The following ATF7 variants were observed in gnomAD, a reference collection of about 807,000 sequenced individuals.
ATF7 encodes the protein cyclic AMP-dependent transcription factor ATF-7.
In ATF7, 10 loss-of-function variants were observed where a neutral mutation model predicts 50.4. That is an observed-to-expected ratio of 0.20 (90% CI 0.12 to 0.34). The LOEUF is 0.34. ATF7 is among the 10% of genes least tolerant of loss of function. The pLI is 1.00. For synonymous variants in ATF7, 201 were observed against 226.4 expected (o/e 0.89, Z 1.01); for missense variants, 465 against 613.9 (o/e 0.76, Z 2.56).
At chr12:53,605,426 AG>A (rs1943565384) in intron 1 of ATF7, among the ~76,000 whole-genome samples, 1 of 151,850 alleles carries the variant, frequency 6.6e-6, no homozygotes, top group Non-Finnish European at 1.5e-5. Flanking sequence ...AGAAGGAAGA[AG>A]TTTGAAATTA....
intron 5 of ATF7, among the ~76,000 whole-genome samples, chr12:53,536,884 T>TCAA (rs748683856): frequency 1.4e-4 from 22 of 151,864 alleles, no homozygotes; most frequent in Admixed American, 6.6e-4. Context: ...TGAGACTGTC[T>TCAA]CAACAACAAC....
At chr12:53,603,216 T>C (rs1232695526) in intron 1 of ATF7, among the ~76,000 whole-genome samples, 1 of 152,096 alleles carries the variant, frequency 6.6e-6, no homozygotes, top group South Asian at 2.1e-4. Flanking sequence ...AGTGGGACAG[T>C]ATTGGCATAG....
At chr12:53,548,313 G>C (rs1160525176) in intron 3 of ATF7, among the ~76,000 whole-genome samples, 1 of 152,042 alleles carries the variant, frequency 6.6e-6, no homozygotes, top group East Asian at 1.9e-4. Flanking sequence ...CTAGGCCCCA[G>C]AGAACGTTTT....
intron 2 of ATF7, among the ~76,000 whole-genome samples, chr12:53,566,151 G>A (rs1291305317): frequency 2.0e-5 from 3 of 152,136 alleles, no homozygotes; most frequent in African/African-American, 7.2e-5. Flanking sequence ...AATACATGGG[G>A]ATTATTACAA....
chr12:53,597,388 A>G (rs1943207708), intron 2 of ATF7, among the ~76,000 whole-genome samples: 1 of 152,142 alleles, frequency 6.6e-6, no homozygotes, highest in East Asian at 1.9e-4. Context: ...TTCTGGGTGA[A>G]TTTTCCTTTC....
At chr12:53,621,446 T>A (rs1944373680) in intron 1 of ATF7, among the ~76,000 whole-genome samples, 1 of 151,984 alleles carries the variant, frequency 6.6e-6, no homozygotes, top group African/African-American at 2.4e-5. Context: ...CAAACCAAAT[T>A]AACAAAATGA....
At chr12:53,563,185 T>A (rs377595991) in intron 2 of ATF7, among the ~76,000 whole-genome samples, 3 of 152,228 alleles carry the variant, frequency 2.0e-5, no homozygotes, top group African/African-American at 7.2e-5. Context: ...AATAGCTTTT[T>A]GAAAGCTTCT....
rs545424830 is a variant in ATF7, at chr12:53,584,272, C to T, written c.48+16681G>A. Among the ~76,000 whole-genome samples, 7 of 152,218 alleles carry T rather than the reference C, an allele frequency of 4.6e-5. No individual in the cohort carries two copies. The East Asian group carries it at 9.7e-4, about 21-fold the overall frequency. On this transcript the variant is annotated intron_variant, in intron 2 of 11. Transcript: ENST00000420353. The stretch of plus-strand genomic sequence containing the variant: ...GCAGGGATTACAGGTGTGAGCCACC[C>T]GGCAGGCATTAAATTGTTGTTTAAT...
At chr12:53,542,112 T>G (rs1199085377) in intron 4 of ATF7, among the ~76,000 whole-genome samples, 1 of 145,746 alleles carries the variant, frequency 6.9e-6, no homozygotes, top group Non-Finnish European at 1.5e-5. Context: ...GGCCTGTTTT[T>G]TTTTTTTTTT....
chr12:53,624,275 G>C (rs975385734), intron 1 of ATF7, among the ~76,000 whole-genome samples: 2 of 152,162 alleles, frequency 1.3e-5, no homozygotes, highest in African/African-American at 4.8e-5. Flanking sequence ...TGTGCTATAG[G>C]GGCAACTTCT....
At chr12:53,601,069 CAAAA>C (rs369709383) in intron 1 of ATF7, 48 bp from the exon 2 acceptor site, 1,238 of 936,330 alleles carry the variant, frequency 1.3e-3, no homozygotes, top group Non-Finnish European at 1.4e-3. Flanking sequence ...TATGCTGGAG[CAAAA>C]AAAAAAAAAA....
In ATF7 at chr12:53,517,071, G is replaced by A. The variant is rs1416287035; in HGVS notation, c.*66C>T. 1.9e-6 allele frequency: 3 copies of A among 1,543,284 alleles called. No homozygotes were observed. Among genetic ancestry groups the A allele is most frequent in the Non-Finnish European group, 2.7e-6 (3 of 1,129,378 alleles). On this transcript the variant is annotated 3_prime_UTR_variant, in exon 12 of 12. Coordinates refer to ENST00000420353, the MANE Select transcript of ATF7 (RefSeq NM_006856.3). ...GTCCAAGGCAGATGGGAGGGGATAA[G>A]ATGACATCTCTCTTGGCTCTTGGGC...
chr12:53,585,706 C>G (rs1942646546), intron 2 of ATF7, among the ~76,000 whole-genome samples: 1 of 152,138 alleles, frequency 6.6e-6, no homozygotes. Context: ...GAGCTTCAAT[C>G]CAATTATGCC....
chr12:53,514,061 G>A lies in ATF7; in HGVS notation c.*3076C>T, dbSNP rs1391037496. On this transcript the variant is annotated 3_prime_UTR_variant, in exon 12 of 12. Transcript: ENST00000420353. ...AACCAGCAGCAAAAGAGTAAGTAAAGGGGGCATGACTTTTTTTTTGTTGGC... is the reference window on the plus strand; with the variant it reads ...AACCAGCAGCAAAAGAGTAAGTAAAAGGGGCATGACTTTTTTTTTGTTGGC... 1 of 152,214 alleles carries A rather than the reference G, an allele frequency of 6.6e-6. No homozygotes were observed. The highest frequency in any genetic ancestry group is 1.5e-5 in the Non-Finnish European group (1 of 68,062). The allele number at this position is 152,214 out of a possible 1,614,324, so 9.4% of individuals were successfully genotyped here. A position where few individuals can be genotyped will look rare whatever the true frequency, so the allele number is the denominator to read the frequency against.
chr12:53,622,669 AT>A (rs68080461), intron 1 of ATF7, among the ~76,000 whole-genome samples: 21,143 of 146,286 alleles, frequency 0.14, 1,472 homozygotes, highest in East Asian at 0.23. Context: ...AAAAAAAAAA[AT>A]AGCTTAAAGA....
chr12:53,517,765 G>A (rs761340544), intron 11 of ATF7, among the ~76,000 whole-genome samples: 3 of 152,042 alleles, frequency 2.0e-5, no homozygotes, highest in Non-Finnish European at 2.9e-5. Flanking sequence ...GAGCCACTGC[G>A]CCTGGCCTTC....
chr12:53,563,255 AATTT>A (rs1244183167), intron 2 of ATF7, among the ~76,000 whole-genome samples: 1 of 152,152 alleles, frequency 6.6e-6, no homozygotes, highest in African/African-American at 2.4e-5. Context: ...TTCAAATGGA[AATTT>A]ATTTATATAA....
chr12:53,578,469 T>C (rs1180138323), intron 2 of ATF7, among the ~76,000 whole-genome samples: 1 of 151,474 alleles, frequency 6.6e-6, no homozygotes, highest in East Asian at 1.9e-4. Flanking sequence ...CCAGAAATCT[T>C]AAAAGAAGTT....
chr12:53,547,851 G>T (rs1940050107), intron 3 of ATF7, among the ~76,000 whole-genome samples: 1 of 151,978 alleles, frequency 6.6e-6, no homozygotes, highest in Admixed American at 6.6e-5. Context: ...GGAGTGCAGT[G>T]GTGTGATTAT....
Sources: allele counts gnomAD v4.1 joint callset (sites outside exome capture counted in the v4.1 genomes callset), GRCh38; gene constraint gnomAD v4.1.1; transcripts MANE v1.5; gene names NCBI Gene and HGNC (gene_info 2026-07-23, HGNC 2026-07-21).